Variants in IQGAP2 observed in about 807,000 individuals in gnomAD.
IQGAP2 encodes ras GTPase-activating-like protein IQGAP2.
Under a neutral mutation model 201.3 loss-of-function variants are expected in IQGAP2, and 173 were observed. The observed-to-expected ratio is 0.86, with a 90% CI of 0.76 to 0.98. IQGAP2 has a LOEUF of 0.98. IQGAP2 is among the 50% of genes least tolerant of loss of function. The pLI is 0.00. For synonymous variants in IQGAP2, 675 were observed against 673.9 expected, an observed-to-expected ratio of 1.00 and a Z score of -0.03; for missense variants, 1,687 against 1,864.8, an observed-to-expected ratio of 0.90 and a Z score of 1.76.
chr5:76,418,240 C>G (rs1445973588), intron 1 of IQGAP2, among the ~76,000 whole-genome samples: 1 of 150,616 alleles, frequency 6.6e-6, no homozygotes, highest in East Asian at 2.0e-4. Flanking sequence ...TTTCCTTTCT[C>G]CTTCAACTTG....
intron 21 of IQGAP2, among the ~76,000 whole-genome samples, chr5:76,661,369 CAAAAAAT>C (rs1238811326): frequency 2.0e-5 from 3 of 151,318 alleles, no homozygotes; most frequent in Non-Finnish European, 4.4e-5. Flanking sequence ...GCACAGGAGC[CAAAAAAT>C]AAAAAATAAA....
chr5:76,652,112 A>C (rs763091186), intron 17 of IQGAP2, among the ~76,000 whole-genome samples: 1 of 152,232 alleles, frequency 6.6e-6, no homozygotes, highest in East Asian at 1.9e-4. Context: ...TCTTCTAAAG[A>C]TACTAGTTTG....
chr5:76,531,711 C>G (rs1239391239), intron 2 of IQGAP2, among the ~76,000 whole-genome samples: 1 of 152,190 alleles, frequency 6.6e-6, no homozygotes, highest in East Asian at 1.9e-4. Context: ...ATATTTTTGT[C>G]TTTTAAAATA....
At chr5:76,612,207 G>A (rs1209758367) in intron 13 of IQGAP2, among the ~76,000 whole-genome samples, 4 of 152,102 alleles carry the variant, frequency 2.6e-5, no homozygotes, top group African/African-American at 9.7e-5. Flanking sequence ...ATGTGACCGG[G>A]CACAGTAGCT....
At chr5:76,639,048 C>T (rs1041229524) in intron 16 of IQGAP2, among the ~76,000 whole-genome samples, 3 of 152,026 alleles carry the variant, frequency 2.0e-5, no homozygotes, top group Non-Finnish European at 4.4e-5. Flanking sequence ...TGTAGAACTG[C>T]GAATGAGGTC....
At chr5:76,524,533 C>T (rs1288711422) in intron 2 of IQGAP2, among the ~76,000 whole-genome samples, 1 of 152,122 alleles carries the variant, frequency 6.6e-6, no homozygotes, top group African/African-American at 2.4e-5. Context: ...CTGTTCAAGC[C>T]ACATGTCTAG....
intron 2 of IQGAP2, among the ~76,000 whole-genome samples, chr5:76,558,926 A>G (rs1252935263): frequency 6.6e-6 from 1 of 151,230 alleles, no homozygotes; most frequent in Non-Finnish European, 1.5e-5. Flanking sequence ...TTTGAGACGG[A>G]GTCTCGCTCT....
At chr5:76,645,185 T>G (rs192467744) in intron 17 of IQGAP2, among the ~76,000 whole-genome samples, 2 of 149,686 alleles carry the variant, frequency 1.3e-5, no homozygotes, top group Non-Finnish European at 2.9e-5. Context: ...GAACTCATCC[T>G]TTTTTATGGC....
rs374830026 is a variant in IQGAP2, at chr5:76,473,239, T to G, written c.146+11570T>G. Among the ~76,000 whole-genome samples, 290 of 152,326 alleles carry G rather than the reference T, an allele frequency of 1.9e-3. 2 individuals carry two copies. The highest frequency in any genetic ancestry group is 6.5e-3 in the African/African-American group (270 of 41,564). ...TAGGTTCTATATGGGCTAGTTCTAG[T>G]TCTAGCTCTTGATCAATAAATTCTC... On this transcript the variant is annotated intron_variant, in intron 2 of 35. Coordinates refer to ENST00000274364, the MANE Select transcript of IQGAP2 (RefSeq NM_006633.5).
At chr5:76,528,175 T>A (rs1452292440) in intron 2 of IQGAP2, among the ~76,000 whole-genome samples, 1 of 152,134 alleles carries the variant, frequency 6.6e-6, no homozygotes, top group Non-Finnish European at 1.5e-5. Flanking sequence ...CACTGTGGAA[T>A]TTTTCTCTTG....
intron 1 of IQGAP2, among the ~76,000 whole-genome samples, chr5:76,425,119 C>CT (rs1240798074): frequency 6.6e-6 from 1 of 152,184 alleles, no homozygotes; most frequent in East Asian, 1.9e-4. Flanking sequence ...CTGCAGGACT[C>CT]TAAGCCTCTG....
chr5:76,694,392 A>T (rs1447073061), intron 31 of IQGAP2, among the ~76,000 whole-genome samples: 1 of 152,164 alleles, frequency 6.6e-6, no homozygotes, highest in African/African-American at 2.4e-5. Context: ...AAAGACTTTT[A>T]CTCCTTACTA....
intron 1 of IQGAP2, among the ~76,000 whole-genome samples, chr5:76,419,941 T>A (rs1394688498): frequency 6.6e-6 from 1 of 152,190 alleles, no homozygotes; most frequent in Non-Finnish European, 1.5e-5. Flanking sequence ...ACACTATGAT[T>A]TCCCCTGCTA....
intron 4 of IQGAP2, among the ~76,000 whole-genome samples, chr5:76,571,005 A>G (rs1395501551): frequency 6.6e-6 from 1 of 151,934 alleles, no homozygotes; most frequent in Non-Finnish European, 1.5e-5. Context: ...TCATGCCTAT[A>G]ATCCCAGCAC....
intron 9 of IQGAP2, 75 bp downstream of exon 9, chr5:76,593,000 A>C: frequency 1.0e-6 from 1 of 996,160 alleles, no homozygotes; most frequent in Non-Finnish European, 1.6e-6. Context: ...TCCCAACACA[A>C]CTCTCAATTT....
intron 2 of IQGAP2, chr5:76,510,497 G>T: frequency 2.9e-6 from 1 of 348,958 alleles, no homozygotes; most frequent in Non-Finnish European, 5.7e-6. Context: ...CACTCAGGCT[G>T]CATCTCCCGT....
intron 32 of IQGAP2, among the ~76,000 whole-genome samples, chr5:76,696,797 G>T (rs1217612338): frequency 6.6e-6 from 1 of 151,956 alleles, no homozygotes; most frequent in Non-Finnish European, 1.5e-5. Flanking sequence ...AAAGAAAAAG[G>T]CTATCATGAA....
Position 76,606,145 on chromosome 5 carries a change from CTAAT to C in IQGAP2, c.1233-30_1233-27del, listed in dbSNP as rs142840191. The C allele has an allele frequency of 5.0e-3, 7,761 of 1,557,132 alleles. 326 individuals carry two copies. In the African/African-American group the frequency reaches 0.092, roughly 18 times the overall value. ...CAACAGGAACGAAGAATGAATGTCTCTAATTAACATCAAGATTATTTTCTCTTCC... is the reference window on the plus strand; with the variant it reads ...CAACAGGAACGAAGAATGAATGTCTCTAACATCAAGATTATTTTCTCTTCC... On this transcript the variant is annotated intron_variant, in intron 11 of 35. Transcript: ENST00000274364.
chr5:76,694,545 T>C (rs1746551057), intron 31 of IQGAP2, among the ~76,000 whole-genome samples: 1 of 152,204 alleles, frequency 6.6e-6, no homozygotes, highest in Non-Finnish European at 1.5e-5. Flanking sequence ...AACTGTAAAA[T>C]GGGTATAATA....
Sources: gnomAD v4.1 joint callset for allele counts (sites outside exome capture counted in the v4.1 genomes callset) on GRCh38, gnomAD v4.1.1 for gene constraint, MANE v1.5 for transcripts, NCBI Gene and HGNC (gene_info 2026-07-23, HGNC 2026-07-21) for gene names.